The following CCT6A variants were observed in gnomAD, a reference collection of about 807,000 sequenced individuals.
The protein encoded by CCT6A is T-complex protein 1 subunit zeta.
Under a neutral mutation model 58.6 loss-of-function variants are expected in CCT6A, and 6 were observed. That is an observed-to-expected ratio of 0.10 (90% CI 0.06 to 0.20). The LOEUF is 0.20. Among genes scored for constraint, CCT6A ranks in the 10% least tolerant of loss-of-function variants. The probability of loss-of-function intolerance (pLI) is 1.00; values close to 1 mark genes in which losing one functional copy is unlikely to be tolerated. For synonymous variants in CCT6A, 245 were observed against 227.8 expected (o/e 1.08, Z -0.68); for missense variants, 516 against 648.8 (o/e 0.80, Z 2.22).
intron 11 of CCT6A, 88 bp from the exon 12 acceptor site, chr7:56,061,659 T>C: frequency 1.5e-6 from 1 of 652,804 alleles, no homozygotes; most frequent in Non-Finnish European, 2.5e-6. Flanking sequence ...GATTTTCTTT[T>C]TCTTTTTTCT....
intron 8 of CCT6A, 37 bp from the exon 9 acceptor site, chr7:56,059,507 A>G: frequency 1.0e-6 from 1 of 988,028 alleles, no homozygotes; most frequent in Non-Finnish European, 1.6e-6. Context: ...TTCACTGGTA[A>G]CGTTGCTTAT....
At position 56,061,242 on chromosome 7, in the gene CCT6A, T is replaced by C. The variant is rs140315729; in HGVS notation, c.1347+302T>C. On this transcript the variant is annotated intron_variant, in intron 11 of 13. Coordinates refer to ENST00000275603, the MANE Select transcript of CCT6A (RefSeq NM_001762.4). Reference sequence around the variant, plus strand: ...AAACTGATATCATTGTTTTCTATTATATACCAGTTTTGATATATAATTTAT... The same window carrying C: ...AAACTGATATCATTGTTTTCTATTACATACCAGTTTTGATATATAATTTAT... 1.4e-3 allele frequency among the ~76,000 whole-genome samples: 211 copies of C among 152,336 alleles called. 2 individuals are homozygous for C. The highest frequency in any genetic ancestry group is 2.7e-3 in the East Asian group (14 of 5,194).
chr7:56,060,458 C>T (rs370258018), intron 10 of CCT6A, 42 bp downstream of exon 10: 41 of 1,603,726 alleles, frequency 2.6e-5, no homozygotes, highest in Middle Eastern at 1.6e-4. Context: ...TATTGTTTTG[C>T]TGGTCTGAAA....
Position 56,052,434 on chromosome 7 carries a change from C to T in CCT6A, c.150C>T (p.Gly50=), listed in dbSNP as rs1202970082. Residue 50 remains glycine (G), a synonymous_variant, in exon 2 of 14, where the codon GGC becomes GGT. Transcript: ENST00000275603. Reference sequence around the variant, plus strand: ...GTCCTTTAAACAGGCTCGTTTCTGGCGCTGGAGACATCAAACTTACTAAAG... The same window carrying T: ...GTCCTTTAAACAGGCTCGTTTCTGGTGCTGGAGACATCAAACTTACTAAAG... ...PKGTMKMLVS[G]AGDIKLTKDG... The T allele has an allele frequency of 3.1e-6, 5 of 1,613,782 alleles. No homozygotes were observed. The highest frequency in any genetic ancestry group is 4.2e-6 in the Non-Finnish European group (5 of 1,179,684).
intron 1 of CCT6A, 34 bp from the exon 2 acceptor site, chr7:56,052,388 G>A (rs749017077): frequency 1.9e-6 from 3 of 1,598,948 alleles, no homozygotes; most frequent in South Asian, 1.1e-5. Context: ...CGTTGAAAAA[G>A]TCATAGTCTG....
chr7:56,062,871 A>G (rs1303435065), intron 13 of CCT6A, 116 bp downstream of exon 13: 1 of 1,138,618 alleles, frequency 8.8e-7, no homozygotes, highest in African/African-American at 1.5e-5. Context: ...GAAGTATGGA[A>G]ACTGAACTAG....
chr7:56,060,135 AAGG>A, intron 9 of CCT6A, 131 bp from the exon 10 acceptor site: 2 of 680,794 alleles, frequency 2.9e-6, no homozygotes, highest in East Asian at 2.7e-5. Flanking sequence ...GATTTTTCAA[AAGG>A]AGATAATTTG....
In CCT6A at chr7:56,063,272, G is replaced by A; in HGVS notation, c.*187G>A. ...TTATAGTATTTTTAAAAATTGCACT[G>A]AAGTGTATACACATAAAGCAGGTCT... is the stretch of plus-strand genomic sequence containing the variant. On this transcript the variant is annotated 3_prime_UTR_variant, in exon 14 of 14. Transcript: ENST00000275603. The A allele has an allele frequency of 5.0e-6, 3 of 600,978 alleles. No individual in the cohort carries two copies. The highest frequency in any genetic ancestry group is 8.8e-6 in the Non-Finnish European group (3 of 339,410). The allele number at this position is 600,978 out of a possible 1,614,324, so 37.2% of individuals were successfully genotyped here.
rs140421205 is a variant in CCT6A at position 56,057,850 on chromosome 7, C to T, written c.615-143C>T. On this transcript the variant is annotated intron_variant, in intron 5 of 13. Coordinates refer to ENST00000275603, the MANE Select transcript of CCT6A (RefSeq NM_001762.4). Reference sequence around the variant, plus strand: ...GAGCCAAGATGGCACCACTACACTCCATCCTGGGCAACAGAGCGAGACTTC... The same window carrying T: ...GAGCCAAGATGGCACCACTACACTCTATCCTGGGCAACAGAGCGAGACTTC... The T allele has an allele frequency of 3.1e-4, 187 of 601,492 alleles. 1 individual carries two copies. The highest frequency in any genetic ancestry group is 3.0e-3 in the African/African-American group (161 of 54,246). 37.3% of individuals were successfully genotyped at this position (601,492 alleles called of 1,614,324 possible). A position where few individuals can be genotyped will look rare whatever the true frequency, so the allele number is the denominator to read the frequency against.
Position 56,062,076 on chromosome 7 carries a change from AGTG to A in CCT6A, c.1450+233_1450+235del, listed in dbSNP as rs1185231662. 1.5e-5 allele frequency: 6 copies of A among 393,702 alleles called. No homozygotes were observed. In the East Asian group the frequency reaches 2.8e-4, roughly 18 times the overall value. 24.4% of individuals were successfully genotyped at this position (393,702 alleles called of 1,614,324 possible). Reference sequence around the variant, plus strand: ...TGGGGATACAATTTTGGAGATGTTGAGTGGTGGTAGATGGTTCAGATTAATGTT... The same window carrying A: ...TGGGGATACAATTTTGGAGATGTTGAGTGGTAGATGGTTCAGATTAATGTT... On this transcript the variant is annotated intron_variant, in intron 12 of 13. Coordinates refer to ENST00000275603, the MANE Select transcript of CCT6A (RefSeq NM_001762.4).
At chr7:56,055,528 T>A (rs1267111476) in intron 3 of CCT6A, 96 bp from the exon 4 acceptor site, 4 of 1,018,312 alleles carry the variant, frequency 3.9e-6, no homozygotes, top group Non-Finnish European at 6.0e-6. Flanking sequence ...AAAGGTATGA[T>A]GATCCAGAAC....
chr7:56,052,054 C>T (rs1034423890), intron 1 of CCT6A, 69 bp downstream of exon 1: 13 of 1,282,946 alleles, frequency 1.0e-5, no homozygotes, highest in Non-Finnish European at 1.3e-5. Context: ...GGGCCCGGGA[C>T]CGCGGACTGG....
In CCT6A at chr7:56,059,590, C is replaced by G; in HGVS notation, c.1015C>G (p.Leu339Val). 1 of 1,608,888 alleles carries G rather than the reference C, an allele frequency of 6.2e-7. No homozygotes were observed. Among genetic ancestry groups the G allele is most frequent in the Non-Finnish European group, 8.5e-7 (1 of 1,175,280 alleles). Residue 339 changes from leucine to valine, a missense_variant, in exon 9 of 14, where the codon CTA becomes GTA. Around this residue, in one of 3 missense-constraint regions of CCT6A, gnomAD observed 315 missense variants for 389.4 expected, o/e 0.81. Coordinates refer to ENST00000275603, the MANE Select transcript of CCT6A (RefSeq NM_001762.4). The stretch of plus-strand genomic sequence containing the variant: ...GGTAGCCCTGAATTCTTTTGACGAC[C>G]TAAGTCCTGACTGCTTGGGACATGC... ...GGVALNSFDDLSPDCLGHAGL... is the reference protein window; with the variant it reads ...GGVALNSFDDVSPDCLGHAGL...
intron 6 of CCT6A, 52 bp downstream of exon 6, chr7:56,058,155 G>A (rs1794355743): frequency 7.9e-6 from 9 of 1,135,264 alleles, no homozygotes; most frequent in South Asian, 1.3e-5. Flanking sequence ...TATTTTAGGC[G>A]AGTTACTTTT....
Position 56,063,065 on chromosome 7 carries a change from A to G in CCT6A, c.1576A>G (p.Met526Val), listed in dbSNP as rs1562853298. 2 of 1,611,034 alleles carry G rather than the reference A, an allele frequency of 1.2e-6. No individual in the cohort carries two copies. Among genetic ancestry groups the G allele is most frequent in the Admixed American group, 1.7e-5 (1 of 59,978 alleles). ...LLVDEIMRAG[M>V]SSLKG ...GGTTGATGAGATCATGCGAGCTGGA[A>G]TGTCTTCTCTGAAAGGTTGAATTGA... The change falls in exon 14 of 14, where the codon ATG becomes GTG. Residue 526 changes from methionine to valine, a missense_variant. Around this residue, in one of 3 missense-constraint regions of CCT6A, gnomAD observed 315 missense variants for 389.4 expected, o/e 0.81. Transcript: ENST00000275603.
intron 13 of CCT6A, 127 bp downstream of exon 13, chr7:56,062,882 C>T: frequency 1.8e-6 from 2 of 1,120,682 alleles, no homozygotes; most frequent in Non-Finnish European, 2.7e-6. Flanking sequence ...ACTGAACTAG[C>T]CCTCTGATGT....
intron 3 of CCT6A, among the ~76,000 whole-genome samples, chr7:56,054,782 A>G: frequency 6.6e-6 from 1 of 152,238 alleles, no homozygotes; most frequent in East Asian, 1.9e-4. Flanking sequence ...TGGAATGTTT[A>G]GGACTAGGCA....
At chr7:56,053,131 C>T (rs1284995678) in intron 2 of CCT6A, among the ~76,000 whole-genome samples, 4 of 152,146 alleles carry the variant, frequency 2.6e-5, no homozygotes, top group African/African-American at 9.7e-5. Context: ...TAGGTCTCAT[C>T]TCTATCTCCA....
chr7:56,053,462 T>C (rs1195463805), intron 2 of CCT6A, among the ~76,000 whole-genome samples: 3 of 152,116 alleles, frequency 2.0e-5, no homozygotes, highest in African/African-American at 7.2e-5. Context: ...ACTTCAGAAT[T>C]GTTTGGGGGC....
Sources: allele counts gnomAD v4.1 joint callset (sites outside exome capture counted in the v4.1 genomes callset), GRCh38; gene constraint gnomAD v4.1.1; regional missense constraint gnomAD v4.1.1; transcripts MANE v1.5; gene names NCBI Gene and HGNC (gene_info 2026-07-23, HGNC 2026-07-21).